The following ASMTL variants were observed in gnomAD, a reference collection of about 807,000 sequenced individuals.
ASMTL encodes the protein probable bifunctional dTTP/UTP pyrophosphatase/methyltransferase protein.
In ASMTL, 57 loss-of-function variants were observed where a neutral mutation model predicts 60.3. The ratio of observed to expected loss-of-function variants is 0.95; its 90% confidence interval spans 0.76 to 1.18. The LOEUF is 1.18. Among genes scored for constraint, ASMTL ranks in the 50% most tolerant of loss-of-function variants. The pLI is 0.00. For synonymous variants in ASMTL, 419 were observed against 373.0 expected, an observed-to-expected ratio of 1.12 and a Z score of -1.42; for missense variants, 981 against 852.6, an observed-to-expected ratio of 1.15 and a Z score of -1.88.
At chrX:1,445,376 C>G (rs2091210678) in intron 1 of ASMTL, among the ~76,000 whole-genome samples, 2 of 152,134 alleles carry the variant, frequency 1.3e-5, no homozygotes, top group Admixed American at 1.3e-4. Flanking sequence ...TGTCTCCTTT[C>G]CAACCTGGCC....
chrX:1,403,613 G>T, intron 12 of ASMTL, 124 bp from the exon 13 acceptor site: 1 of 827,122 alleles, frequency 1.2e-6, no homozygotes, highest in Non-Finnish European at 2.0e-6. Context: ...AGAACCCTTG[G>T]CCAGGGGGCC....
chrX:1,427,708 T>C (rs35193769), intron 7 of ASMTL, 26 bp downstream of exon 7: 441,507 of 1,574,608 alleles, frequency 0.28, 63,284 homozygotes, highest in Non-Finnish European at 0.29. Context: ...TTGTGAAATG[T>C]GGCCTGAGGA....
At chrX:1,437,491 CT>C (rs1443590710) in intron 3 of ASMTL, among the ~76,000 whole-genome samples, 2 of 151,994 alleles carry the variant, frequency 1.3e-5, no homozygotes, top group Admixed American at 6.6e-5. Flanking sequence ...CCCCTGTGTC[CT>C]CACAGGGTCG....
intron 6 of ASMTL, among the ~76,000 whole-genome samples, chrX:1,429,361 C>T (rs1309436094): frequency 3.3e-5 from 5 of 151,874 alleles, no homozygotes; most frequent in Admixed American, 6.6e-5. Context: ...ACACACTCAG[C>T]TAGTTTTATC....
Position 1,442,169 on chromosome X carries a change from G to A in ASMTL, c.225+17C>T, listed in dbSNP as rs762118783. On this transcript the variant is annotated intron_variant, in intron 2 of 12. Coordinates refer to ENST00000381317, the MANE Select transcript of ASMTL (RefSeq NM_004192.4). ...CAAAGGAATTTTCATAAGGGCCGAA[G>A]GGCAGGGGCCCCTTGCCTGGTACAG... is the stretch of plus-strand genomic sequence containing the variant. 1 of 1,612,462 alleles carries A rather than the reference G, an allele frequency of 6.2e-7. No homozygotes were observed. Among genetic ancestry groups the A allele is most frequent in the African/African-American group, 1.3e-5 (1 of 74,870 alleles).
chrX:1,443,104 C>T (rs1395866206), intron 1 of ASMTL, among the ~76,000 whole-genome samples: 1 of 151,378 alleles, frequency 6.6e-6, no homozygotes, highest in South Asian at 2.1e-4. Flanking sequence ...GGGACACACA[C>T]CGTCGTCGTG....
At chrX:1,403,682 G>T in intron 12 of ASMTL, 193 bp from the exon 13 acceptor site, 1 of 606,026 alleles carries the variant, frequency 1.7e-6, no homozygotes, top group Non-Finnish European at 2.9e-6. Flanking sequence ...CAGACAGGGA[G>T]AAGGAGATTT....
intron 12 of ASMTL, among the ~76,000 whole-genome samples, chrX:1,405,724 TATGGATGAGATGGATGG>T (rs2089802621): frequency 7.5e-6 from 1 of 134,098 alleles, no homozygotes; most frequent in Non-Finnish European, 1.6e-5. Context: ...TATATGGATG[TATGGATGAGATGGATGG>T]ATGGGTGAAT....
At chrX:1,451,107 GGCGGTCCT>G (rs2091365861) in intron 1 of ASMTL, among the ~76,000 whole-genome samples, 3 of 122,902 alleles carry the variant, frequency 2.4e-5, no homozygotes, top group African/African-American at 8.1e-5. Flanking sequence ...CCCATCCCTA[GGCGGTCCT>G]GGATCACTCT....
Position 1,418,106 on chromosome X carries a change from A to C in ASMTL, c.1389T>G (p.Gly463=), listed in dbSNP as rs1185119100. 2 of 1,605,510 alleles carry C rather than the reference A, an allele frequency of 1.2e-6. No individual in the cohort carries two copies. The highest frequency in any genetic ancestry group is 4.5e-5 in the East Asian group (2 of 44,628). ...CACGGGCCAGCTCTCGGGCCAGTGC[A>C]CCCGTGCAGCCTGCGGGGAAGCAAA... The part of the protein sequence containing the change: ...SSACDVGGCT[G]ALARELAREY... Residue 463 remains glycine (G), a synonymous_variant, in exon 11 of 13, where the codon GGT becomes GGG. Transcript: ENST00000381317.
intron 7 of ASMTL, among the ~76,000 whole-genome samples, chrX:1,427,524 C>G (rs4604639): frequency 0.63 from 93,318 of 148,758 alleles, 29,812 homozygotes; most frequent in East Asian, 0.81. Context: ...TGGAGTGATG[C>G]GGCCACAAGC....
intron 11 of ASMTL, among the ~76,000 whole-genome samples, chrX:1,417,008 C>G (rs1357866101): frequency 6.1e-5 from 8 of 131,372 alleles, no homozygotes; most frequent in Non-Finnish European, 6.5e-5. Context: ...TGTGCACACA[C>G]AGACTCAGAA....
chrX:1,411,230 AGAGACAGAGG>A (rs1489469604), intron 12 of ASMTL, among the ~76,000 whole-genome samples: 3 of 10,216 alleles, frequency 2.9e-4, no homozygotes, highest in Non-Finnish European at 2.7e-3. Flanking sequence ...AGAAAGAAGG[AGAGACAGAGG>A]GAGAGAAGAA....
chrX:1,416,142 G>C (rs2090243697), intron 11 of ASMTL, among the ~76,000 whole-genome samples: 1 of 149,878 alleles, frequency 6.7e-6, no homozygotes, highest in Non-Finnish European at 1.5e-5. Context: ...GACATGCACA[G>C]ATGGGCACAC....
intron 9 of ASMTL, among the ~76,000 whole-genome samples, chrX:1,420,959 A>G (rs1793768572): frequency 2.1e-5 from 1 of 48,398 alleles, no homozygotes; most frequent in South Asian, 1.4e-3. Context: ...GCTAATCGTT[A>G]ATTTTTTTTT....
At chrX:1,406,341 A>G (rs1228590925) in intron 12 of ASMTL, among the ~76,000 whole-genome samples, 4 of 151,322 alleles carry the variant, frequency 2.6e-5, no homozygotes, top group Non-Finnish European at 4.4e-5. Context: ...GGATGGATTC[A>G]TGGATGAGAT....
chrX:1,403,208 C>T lies in ASMTL; in HGVS notation c.*61G>A, dbSNP rs1410109041. On this transcript the variant is annotated 3_prime_UTR_variant, in exon 13 of 13. Coordinates refer to ENST00000381317, the MANE Select transcript of ASMTL (RefSeq NM_004192.4). Reference sequence around the variant, plus strand: ...GTGACTGTCCTATGGTACTTGGGGACCGGGCGGTCCACCTGCAGCCTGGGG... The same window carrying T: ...GTGACTGTCCTATGGTACTTGGGGATCGGGCGGTCCACCTGCAGCCTGGGG... 1 of 1,421,472 alleles carries T rather than the reference C, an allele frequency of 7.0e-7. No individual in the cohort carries two copies. The highest frequency in any genetic ancestry group is 1.4e-5 in the African/African-American group (1 of 71,290). The allele number at this position is 1,421,472 out of a possible 1,614,324, so 88.1% of individuals were successfully genotyped here.
At chrX:1,445,935 G>C (rs1215592876) in intron 1 of ASMTL, among the ~76,000 whole-genome samples, 3 of 151,948 alleles carry the variant, frequency 2.0e-5, no homozygotes, top group Non-Finnish European at 4.4e-5. Flanking sequence ...TCCCTGGGGG[G>C]GTTTAGAGAA....
chrX:1,426,333 G>A (rs1254199158), intron 7 of ASMTL, among the ~76,000 whole-genome samples: 1 of 152,150 alleles, frequency 6.6e-6, no homozygotes, highest in East Asian at 1.9e-4. Context: ...GGAATGTGCT[G>A]TAACCACCTT....
Sources: gnomAD v4.1 joint callset for allele counts (sites outside exome capture counted in the v4.1 genomes callset) on GRCh38, gnomAD v4.1.1 for gene constraint, MANE v1.5 for transcripts, NCBI Gene and HGNC (gene_info 2026-07-23, HGNC 2026-07-21) for gene names.